Variants in CADPS2 observed in about 807,000 individuals in gnomAD.
CADPS2 encodes calcium dependent secretion activator 2, also known as calcium-dependent secretion activator 2.
CADPS2 carries 93 observed loss-of-function variants against 172.5 expected under a neutral mutation model. That is an observed-to-expected ratio of 0.54 (90% confidence interval 0.46 to 0.64). The LOEUF is 0.64. CADPS2 is among the 30% of genes least tolerant of loss of function. CADPS2 has a pLI of 0.00. For synonymous variants in CADPS2, 546 were observed against 555.2 expected, an observed-to-expected ratio of 0.98 and a Z score of 0.23; for missense variants, 1,420 against 1,565.9, an observed-to-expected ratio of 0.91 and a Z score of 1.57.
At chr7:122,719,177 G>C (rs2090063097) in intron 2 of CADPS2, among the ~76,000 whole-genome samples, 1 of 152,022 alleles carries the variant, frequency 6.6e-6, no homozygotes, top group Non-Finnish European at 1.5e-5. Flanking sequence ...GCCCTGAGGG[G>C]TGGGACAGCT....
At chr7:122,634,931 A>G (rs2076919769) in intron 3 of CADPS2, among the ~76,000 whole-genome samples, 1 of 152,002 alleles carries the variant, frequency 6.6e-6, no homozygotes, top group African/African-American at 2.4e-5. Flanking sequence ...TCAGGAGAAA[A>G]TTGTTTAATT....
At chr7:122,789,096 T>C (rs1441096375) in intron 1 of CADPS2, among the ~76,000 whole-genome samples, 1 of 152,110 alleles carries the variant, frequency 6.6e-6, no homozygotes, top group Non-Finnish European at 1.5e-5. Context: ...GGTAATGGTT[T>C]TTCTTGGTCC....
At position 122,393,170 on chromosome 7, in the gene CADPS2, C is replaced by A. The variant is rs377187148; in HGVS notation, c.3008+26G>T. Reference sequence around the variant, plus strand: ...AGGCCATGCACCAGCTAACACACCACCAGGAAATAAGTGAGGAATACACAC... The same window carrying A: ...AGGCCATGCACCAGCTAACACACCAACAGGAAATAAGTGAGGAATACACAC... On this transcript the variant is annotated intron_variant, in intron 22 of 29. Transcript: ENST00000449022. 11 of 1,610,452 alleles carry A rather than the reference C, an allele frequency of 6.8e-6. No homozygotes were observed. The African/African-American group carries it at 1.3e-4, about 20-fold the overall frequency.
chr7:122,809,591 A>T, intron 1 of CADPS2, among the ~76,000 whole-genome samples: 1 of 151,966 alleles, frequency 6.6e-6, no homozygotes. Context: ...AAAAAAAAAA[A>T]AAAAGACTGC....
At chr7:122,785,747 G>A (rs1000617663) in intron 1 of CADPS2, among the ~76,000 whole-genome samples, 3 of 151,988 alleles carry the variant, frequency 2.0e-5, no homozygotes, top group African/African-American at 4.8e-5. Context: ...TTGAAGACCA[G>A]GCTCTAGAAT....
At chr7:122,419,169 G>C (rs186815640) in intron 17 of CADPS2, among the ~76,000 whole-genome samples, 14 of 152,158 alleles carry the variant, frequency 9.2e-5, no homozygotes, top group Non-Finnish European at 2.1e-4. Flanking sequence ...AATGTTTACT[G>C]AGAATGCAGC....
chr7:122,776,040 G>A (rs905213161), intron 1 of CADPS2, among the ~76,000 whole-genome samples: 3 of 152,102 alleles, frequency 2.0e-5, no homozygotes, highest in Non-Finnish European at 4.4e-5. Context: ...ACAAAAAGGA[G>A]GGTTTTTTAA....
At chr7:122,731,725 A>C (rs2091662722) in intron 2 of CADPS2, among the ~76,000 whole-genome samples, 1 of 151,720 alleles carries the variant, frequency 6.6e-6, no homozygotes, top group South Asian at 2.1e-4. Flanking sequence ...GCAGAATCAA[A>C]CAACAATTAG....
Position 122,886,351 on chromosome 7 carries a change from C to T in CADPS2, c.-14G>A. ...CGGGTCCAGCATGGTGCTCGGGGAT[C>T]CCCGCCGCTCGGCCCGCGGTCCCCA... On this transcript the variant is annotated 5_prime_UTR_variant, in exon 1 of 30. Transcript: ENST00000449022. The T allele has an allele frequency of 6.7e-7, 1 of 1,490,196 alleles. No homozygotes were observed. The highest frequency in any genetic ancestry group is 1.3e-5 in the South Asian group (1 of 79,580). The allele number at this position is 1,490,196 out of a possible 1,614,324, so 92.3% of individuals were successfully genotyped here.
chr7:122,870,050 A>G (rs973464817), intron 1 of CADPS2, among the ~76,000 whole-genome samples: 4 of 152,036 alleles, frequency 2.6e-5, no homozygotes, highest in African/African-American at 9.6e-5. Flanking sequence ...AAGGATCTAC[A>G]TATTAACCAG....
intron 2 of CADPS2, among the ~76,000 whole-genome samples, chr7:122,691,562 C>G (rs1434885890): frequency 6.6e-6 from 1 of 152,228 alleles, no homozygotes. Flanking sequence ...ACTTCTAAAT[C>G]TGCAAGAGAA....
chr7:122,347,093 T>A (rs2037783992), intron 27 of CADPS2, among the ~76,000 whole-genome samples: 1 of 152,218 alleles, frequency 6.6e-6, no homozygotes, highest in Non-Finnish European at 1.5e-5. Context: ...CATCATTTCG[T>A]ATTCACAGAA....
At chr7:122,588,138 C>T (rs778756577) in intron 6 of CADPS2, among the ~76,000 whole-genome samples, 4 of 151,952 alleles carry the variant, frequency 2.6e-5, no homozygotes, top group Admixed American at 6.6e-5. Flanking sequence ...TGGATTGCAA[C>T]GATTTTCTCC....
chr7:122,748,231 C>A (rs894202040), intron 1 of CADPS2, among the ~76,000 whole-genome samples: 2 of 152,096 alleles, frequency 1.3e-5, no homozygotes, highest in Non-Finnish European at 2.9e-5. Context: ...TCTAAGATAG[C>A]TGTATGTTGT....
At chr7:122,645,240 T>TAC (rs199662352) in intron 3 of CADPS2, among the ~76,000 whole-genome samples, 579 of 3,448 alleles carry the variant, frequency 0.17, 15 homozygotes, top group Non-Finnish European at 0.45. Context: ...AGTATATATA[T>TAC]ACACACATGT....
At chr7:122,666,927 C>T (rs1247203090) in intron 2 of CADPS2, among the ~76,000 whole-genome samples, 1 of 152,182 alleles carries the variant, frequency 6.6e-6, no homozygotes, top group Non-Finnish European at 1.5e-5. Flanking sequence ...AACTACTCTG[C>T]CATGCAGTAA....
At chr7:122,838,579 G>C (rs996960069) in intron 1 of CADPS2, among the ~76,000 whole-genome samples, 11 of 152,280 alleles carry the variant, frequency 7.2e-5, no homozygotes, top group East Asian at 1.9e-4. Flanking sequence ...CTTCAGCAAA[G>C]TCTCAGGATA....
chr7:122,492,971 C>G (rs1388266350), intron 9 of CADPS2, among the ~76,000 whole-genome samples: 1 of 152,064 alleles, frequency 6.6e-6, no homozygotes, highest in African/African-American at 2.4e-5. Context: ...ACTAAGGAAA[C>G]ATAGTACCTT....
chr7:122,627,254 G>T (rs1023911386), intron 4 of CADPS2, among the ~76,000 whole-genome samples: 3 of 152,184 alleles, frequency 2.0e-5, no homozygotes, highest in African/African-American at 4.8e-5. Context: ...TACAAGGTTT[G>T]TAGGATTATT....
Sources: allele counts gnomAD v4.1 joint callset (sites outside exome capture counted in the v4.1 genomes callset), GRCh38; gene constraint gnomAD v4.1.1; transcripts MANE v1.5; gene names NCBI Gene and HGNC (gene_info 2026-07-23, HGNC 2026-07-21).